The following RASAL2 variants were observed in gnomAD, a reference collection of about 807,000 sequenced individuals.
RASAL2 encodes ras GTPase-activating protein nGAP.
In RASAL2, 58 loss-of-function variants were observed where a neutral mutation model predicts 128.9. The ratio of observed to expected loss-of-function variants is 0.45; its 90% confidence interval spans 0.36 to 0.56. The LOEUF is 0.56. Ranked by LOEUF, RASAL2 falls within the 20% of genes least tolerant of loss-of-function variation. The pLI is 0.00. For synonymous variants in RASAL2, 561 were observed against 580.8 expected (o/e 0.97, Z 0.49); for missense variants, 1,360 against 1,601.6 (o/e 0.85, Z 2.57).
chr1:178,298,225 A>G (rs1445058765), intron 2 of RASAL2, among the ~76,000 whole-genome samples: 1 of 152,212 alleles, frequency 6.6e-6, no homozygotes, highest in Non-Finnish European at 1.5e-5. Flanking sequence ...CCATCCTGAA[A>G]GGGACAGATG....
At chr1:178,421,906 G>T (rs1675165959) in intron 5 of RASAL2, among the ~76,000 whole-genome samples, 1 of 151,706 alleles carries the variant, frequency 6.6e-6, no homozygotes, top group Admixed American at 6.6e-5. Flanking sequence ...CATAAAAAAA[G>T]ATTTTTAAAA....
At chr1:178,403,271 G>A (rs903438462) in intron 4 of RASAL2, among the ~76,000 whole-genome samples, 6 of 152,126 alleles carry the variant, frequency 3.9e-5, no homozygotes, top group Non-Finnish European at 7.4e-5. Context: ...TCCCTCCTAT[G>A]TGTTATTTCC....
At chr1:178,461,811 C>T (rs571029043) in intron 14 of RASAL2, among the ~76,000 whole-genome samples, 2 of 152,180 alleles carry the variant, frequency 1.3e-5, no homozygotes, top group South Asian at 2.1e-4. Context: ...TATGGGAATC[C>T]GACTATTTCA....
intron 3 of RASAL2, among the ~76,000 whole-genome samples, chr1:178,367,789 G>A (rs1671481572): frequency 6.6e-6 from 1 of 152,118 alleles, no homozygotes; most frequent in South Asian, 2.1e-4. Flanking sequence ...CAATTATTCA[G>A]TTATTAAAAT....
At chr1:178,147,150 A>G (rs1660758428) in intron 1 of RASAL2, among the ~76,000 whole-genome samples, 1 of 152,140 alleles carries the variant, frequency 6.6e-6, no homozygotes, top group Non-Finnish European at 1.5e-5. Flanking sequence ...TAGAGGATTG[A>G]ATATTTTAAT....
At chr1:178,386,919 A>G (rs1178258956) in intron 3 of RASAL2, among the ~76,000 whole-genome samples, 1 of 152,242 alleles carries the variant, frequency 6.6e-6, no homozygotes, top group African/African-American at 2.4e-5. Flanking sequence ...GCATAGTAGC[A>G]GCTTTCCTTT....
At chr1:178,336,058 A>C (rs1409668566) in intron 3 of RASAL2, among the ~76,000 whole-genome samples, 4 of 152,124 alleles carry the variant, frequency 2.6e-5, no homozygotes. Context: ...TGGGCAAGTT[A>C]CTCACTTAAC....
At chr1:178,278,405 G>A (rs1214738540) in intron 1 of RASAL2, among the ~76,000 whole-genome samples, 2 of 152,164 alleles carry the variant, frequency 1.3e-5, no homozygotes, top group Non-Finnish European at 2.9e-5. Flanking sequence ...CCTATAGCCT[G>A]AAAAATCAGG....
chr1:178,412,952 TTC>T (rs1167041802), intron 4 of RASAL2, among the ~76,000 whole-genome samples: 2 of 151,998 alleles, frequency 1.3e-5, no homozygotes, highest in Admixed American at 1.3e-4. Flanking sequence ...AGAGCTTTCT[TTC>T]TCTTTCTTTT....
intron 1 of RASAL2, among the ~76,000 whole-genome samples, chr1:178,197,890 C>T (rs553696177): frequency 7.2e-5 from 11 of 152,214 alleles, no homozygotes; most frequent in Admixed American, 2.6e-4. Context: ...TGATGTTCCC[C>T]GCCCTGTGTC....
chr1:178,417,970 T>C (rs1170842520), intron 4 of RASAL2, among the ~76,000 whole-genome samples: 2 of 152,130 alleles, frequency 1.3e-5, no homozygotes, highest in Non-Finnish European at 2.9e-5. Context: ...CCTGGTTTGC[T>C]AGCTACATTT....
chr1:178,185,290 A>G (rs1339523418), intron 1 of RASAL2, among the ~76,000 whole-genome samples: 2 of 151,820 alleles, frequency 1.3e-5, no homozygotes, highest in Admixed American at 1.3e-4. Flanking sequence ...TCATTTGCAA[A>G]TAAAGGCAGG....
At chr1:178,422,137 A>T (rs556771171) in intron 5 of RASAL2, among the ~76,000 whole-genome samples, 1 of 151,970 alleles carries the variant, frequency 6.6e-6, no homozygotes, top group African/African-American at 2.4e-5. Context: ...TTTTTTTTAA[A>T]GTTTACATTA....
chr1:178,354,941 A>G (rs918581393), intron 3 of RASAL2, among the ~76,000 whole-genome samples: 4 of 152,230 alleles, frequency 2.6e-5, no homozygotes, highest in African/African-American at 9.6e-5. Flanking sequence ...CCTGGGCAAC[A>G]TGATAAGCCC....
intron 1 of RASAL2, among the ~76,000 whole-genome samples, chr1:178,107,417 G>A (rs1659131840): frequency 1.3e-5 from 2 of 152,138 alleles, no homozygotes; most frequent in Admixed American, 1.3e-4. Context: ...GAATAAAAGT[G>A]AGGATGCTAG....
chr1:178,164,913 A>C (rs1661469382), intron 1 of RASAL2, among the ~76,000 whole-genome samples: 1 of 151,542 alleles, frequency 6.6e-6, no homozygotes, highest in Admixed American at 6.6e-5. Context: ...GTCTGGATTC[A>C]ACCAAGTATG....
At chr1:178,282,265 C>T (rs1666820660) in intron 1 of RASAL2, among the ~76,000 whole-genome samples, 3 of 152,104 alleles carry the variant, frequency 2.0e-5, no homozygotes, top group South Asian at 2.1e-4. Context: ...AAACATGCAG[C>T]GCAGTTTAGA....
chr1:178,404,921 ATCC>A (rs1673903740), intron 4 of RASAL2, among the ~76,000 whole-genome samples: 1 of 152,034 alleles, frequency 6.6e-6, no homozygotes, highest in Non-Finnish European at 1.5e-5. Flanking sequence ...GGATCAATCA[ATCC>A]TCCTGCCTCG....
At chr1:178,144,889 A>G (rs887857155) in intron 1 of RASAL2, among the ~76,000 whole-genome samples, 24 of 152,194 alleles carry the variant, frequency 1.6e-4, no homozygotes. Flanking sequence ...CACAGCTGTC[A>G]GCTGGAATAA....
Sources: allele counts gnomAD v4.1 joint callset (sites outside exome capture counted in the v4.1 genomes callset), GRCh38; gene constraint gnomAD v4.1.1; transcripts MANE v1.5; gene names NCBI Gene and HGNC (gene_info 2026-07-23, HGNC 2026-07-21).